SDAD1: variants seen among roughly 807,000 people sequenced by gnomAD.
SDAD1 encodes the protein SDA1 domain containing 1, also known as protein SDA1 homolog.
In SDAD1, 79 loss-of-function variants were observed where a neutral mutation model predicts 100.3. The ratio of observed to expected loss-of-function variants is 0.79; its 90% CI spans 0.66 to 0.95. SDAD1 has a LOEUF of 0.95. Ranked by LOEUF, SDAD1 falls within the 40% of genes least tolerant of loss-of-function variation. The probability of loss-of-function intolerance (pLI) is 0.00; values close to 1 mark genes in which losing one functional copy is unlikely to be tolerated. For missense variants in SDAD1, 790 were observed against 810.9 expected (o/e 0.97, Z 0.31); for synonymous variants, 267 against 271.4 (o/e 0.98, Z 0.16).
At chr4:75,959,115 A>AC (rs1560537762) in intron 17 of SDAD1, among the ~76,000 whole-genome samples, 1 of 137,866 alleles carries the variant, frequency 7.3e-6, no homozygotes, top group Non-Finnish European at 1.6e-5. Context: ...AAAAAAAAAA[A>AC]AAAAAAAAAA....
intron 8 of SDAD1, 89 bp from the exon 9 acceptor site, chr4:75,971,547 A>G: frequency 1.1e-6 from 1 of 935,102 alleles, no homozygotes; most frequent in South Asian, 1.4e-5. Flanking sequence ...CTTCGTTCTT[A>G]TACTCTTTGC....
intron 1 of SDAD1, among the ~76,000 whole-genome samples, chr4:75,985,204 C>T (rs1487185142): frequency 6.6e-6 from 1 of 152,078 alleles, no homozygotes; most frequent in Non-Finnish European, 1.5e-5. Flanking sequence ...ACCACAAGAG[C>T]CCAGTATTCC....
rs559684140 is a variant in SDAD1, at chr4:75,952,395, C to T, written c.2017-1598G>A. ...ATTTCAGTTCCTTCCCCTTCAAATG[C>T]CACCAATTAAAGAAAAGGAACAGGT... On this transcript the variant is annotated intron_variant, in intron 21 of 21. Transcript: ENST00000356260. Among the ~76,000 whole-genome samples the T allele has an allele frequency of 2.6e-5, 4 of 152,284 alleles. No homozygotes were observed. The South Asian group carries it at 8.3e-4, about 32-fold the overall frequency.
rs759895344 is a variant in SDAD1 at position 75,969,335 on chromosome 4, C to G, written c.948G>C (p.Met316Ile). The G allele has an allele frequency of 2.3e-5, 37 of 1,613,658 alleles. No homozygotes were observed. The Middle Eastern group carries it at 4.3e-3, about 186-fold the overall frequency. Residue 316 changes from methionine (M) to isoleucine (I), a missense_variant, in exon 11 of 22, where the codon ATG becomes ATC. Physicochemically the swap from Met to Ile is conservative, Grantham distance 10 (BLOSUM62 1). Coordinates refer to ENST00000356260, the MANE Select transcript of SDAD1 (RefSeq NM_018115.4). ...CCKERFEVKM[M>I]LMNLISRLVG... ...CCAATCTGGAGATAAGGTTCATGAG[C>G]ATCATCTTCACTTCAAACCTCTCCT...
intron 21 of SDAD1, among the ~76,000 whole-genome samples, chr4:75,952,914 A>G (rs1393470138): frequency 6.6e-6 from 1 of 152,196 alleles, no homozygotes; most frequent in Non-Finnish European, 1.5e-5. Flanking sequence ...AATAAGATAT[A>G]TTGTTACAAT....
intron 14 of SDAD1, among the ~76,000 whole-genome samples, chr4:75,962,984 T>C (rs1729333299): frequency 6.6e-6 from 1 of 152,224 alleles, no homozygotes; most frequent in Non-Finnish European, 1.5e-5. Context: ...ATGTCCTGAA[T>C]GGTATTGCCT....
chr4:75,959,472 C>T (rs961159772), intron 17 of SDAD1, among the ~76,000 whole-genome samples: 2 of 152,052 alleles, frequency 1.3e-5, no homozygotes, highest in Non-Finnish European at 2.9e-5. Flanking sequence ...GGCATGGCTG[C>T]ACACGCCTGT....
intron 21 of SDAD1, among the ~76,000 whole-genome samples, chr4:75,955,332 C>T (rs910354070): frequency 1.3e-5 from 2 of 152,062 alleles, no homozygotes; most frequent in African/African-American, 4.8e-5. Flanking sequence ...ATCGCAGGAC[C>T]AGAAGGCGGT....
chr4:75,967,437 C>T, intron 11 of SDAD1, 103 bp from the exon 12 acceptor site: 3 of 1,073,728 alleles, frequency 2.8e-6, no homozygotes, highest in East Asian at 5.1e-5. Flanking sequence ...TTGCAGAACA[C>T]TTTTGTTTTT....
At chr4:75,958,386 G>A (rs12648687) in intron 17 of SDAD1, among the ~76,000 whole-genome samples, 33,342 of 152,134 alleles carry the variant, frequency 0.22, 4,605 homozygotes, top group East Asian at 0.5. Context: ...TCCTATGCGT[G>A]TTACCCACGT....
chr4:75,985,934 G>A (rs1307977317), intron 1 of SDAD1, among the ~76,000 whole-genome samples: 1 of 151,958 alleles, frequency 6.6e-6, no homozygotes, highest in Non-Finnish European at 1.5e-5. Flanking sequence ...TTCTCATCCA[G>A]CTTCAATTCC....
intron 7 of SDAD1, 56 bp downstream of exon 7, chr4:75,974,020 A>T: frequency 6.9e-7 from 1 of 1,442,964 alleles, no homozygotes; most frequent in South Asian, 1.1e-5. Flanking sequence ...TTCTAACTGC[A>T]TGCAGAAGCA....
At chr4:75,990,355 A>G (rs1731177171) in intron 1 of SDAD1, among the ~76,000 whole-genome samples, 1 of 149,982 alleles carries the variant, frequency 6.7e-6, no homozygotes, top group Non-Finnish European at 1.5e-5. Context: ...GCATTCTAAC[A>G]TACGATTCAT....
intron 10 of SDAD1, 32 bp from the exon 11 acceptor site, chr4:75,969,431 T>A: frequency 7.0e-7 from 1 of 1,438,242 alleles, no homozygotes; most frequent in African/African-American, 1.4e-5. Context: ...AAGTACATTG[T>A]GAGTCTATGG....
At chr4:75,952,281 A>G (rs1455570925) in intron 21 of SDAD1, among the ~76,000 whole-genome samples, 3 of 152,238 alleles carry the variant, frequency 2.0e-5, no homozygotes, top group Non-Finnish European at 4.4e-5. Context: ...GTCTCATGCT[A>G]AGAACTAAAT....
At chr4:75,959,485 T>C (rs1729108708) in intron 17 of SDAD1, among the ~76,000 whole-genome samples, 2 of 151,926 alleles carry the variant, frequency 1.3e-5, no homozygotes, top group Non-Finnish European at 2.9e-5. Context: ...ACGCCTGTAA[T>C]CCCAGCTACT....
chr4:75,973,309 A>T lies in SDAD1; in HGVS notation c.711+8T>A. ...GTAAGATTCAGAAGCAGCTATGATT[A>T]AACTAACCTCAGATTCGGAGTCACT... On this transcript the variant is annotated splice_region_variant and intron_variant, in intron 8 of 21. Coordinates refer to ENST00000356260, the MANE Select transcript of SDAD1 (RefSeq NM_018115.4). The T allele has an allele frequency of 1.2e-6, 2 of 1,608,450 alleles. No homozygotes were observed. Among genetic ancestry groups the T allele is most frequent in the Non-Finnish European group, 1.7e-6 (2 of 1,174,976 alleles).
At chr4:75,955,237 C>CA (rs1383730587) in intron 21 of SDAD1, among the ~76,000 whole-genome samples, 1 of 152,160 alleles carries the variant, frequency 6.6e-6, no homozygotes, top group Admixed American at 6.5e-5. Context: ...ACCTCATAAT[C>CA]AAACGACCCT....
intron 14 of SDAD1, among the ~76,000 whole-genome samples, chr4:75,962,098 T>A (rs889997736): frequency 2.0e-5 from 3 of 152,186 alleles, no homozygotes; most frequent in Non-Finnish European, 4.4e-5. Flanking sequence ...CCATCCTGTG[T>A]CCAAGTGTTC....
Sources: gnomAD v4.1 joint callset for allele counts (sites outside exome capture counted in the v4.1 genomes callset) on GRCh38, gnomAD v4.1.1 for gene constraint, MANE v1.5 for transcripts, NCBI Gene and HGNC (gene_info 2026-07-23, HGNC 2026-07-21) for gene names.